NRXN3: variants seen among roughly 807,000 people sequenced by gnomAD.
NRXN3 encodes neurexin III.
In NRXN3, 32 loss-of-function variants were observed where a neutral mutation model predicts 137.6. That is an observed-to-expected ratio of 0.23 (90% CI 0.18 to 0.31). The LOEUF is 0.31. NRXN3 is among the 10% of genes least tolerant of loss of function. NRXN3 has a pLI of 1.00. For synonymous variants in NRXN3, 798 were observed against 784.5 expected (o/e 1.02, Z -0.29); for missense variants, 1,574 against 2,062.5 (o/e 0.76, Z 4.59).
intron 15 of NRXN3, among the ~76,000 whole-genome samples, chr14:79,308,179 G>T (rs969996562): frequency 1.3e-5 from 2 of 149,788 alleles, no homozygotes; most frequent in Admixed American, 6.6e-5. Context: ...AGGACTTAGG[G>T]GGTTAGGACT....
intron 15 of NRXN3, among the ~76,000 whole-genome samples, chr14:79,167,839 T>C (rs924090796): frequency 6.6e-6 from 1 of 151,978 alleles, no homozygotes; most frequent in Admixed American, 6.6e-5. Flanking sequence ...TCAGCCAGCA[T>C]TATCTGCAGA....
intron 15 of NRXN3, among the ~76,000 whole-genome samples, chr14:79,293,799 A>G (rs575417635): frequency 6.6e-6 from 1 of 152,388 alleles, no homozygotes; most frequent in Non-Finnish European, 1.5e-5. Flanking sequence ...TCTCTGCCCC[A>G]GCAGCCTAGA....
chr14:79,733,367 G>A (rs1413124655), intron 19 of NRXN3, among the ~76,000 whole-genome samples: 1 of 152,178 alleles, frequency 6.6e-6, no homozygotes. Flanking sequence ...TTAAGGAGGA[G>A]TAATTTAGTT....
chr14:79,124,168 A>G (rs1488621554), intron 15 of NRXN3, among the ~76,000 whole-genome samples: 2 of 152,184 alleles, frequency 1.3e-5, no homozygotes, highest in Non-Finnish European at 2.9e-5. Flanking sequence ...CCCAGTAGTC[A>G]TCCTTGCTGC....
At chr14:78,834,686 G>A (rs945708249) in intron 10 of NRXN3, among the ~76,000 whole-genome samples, 1 of 152,060 alleles carries the variant, frequency 6.6e-6, no homozygotes, top group African/African-American at 2.4e-5. Context: ...ATATGTTTGG[G>A]TCTCCTGAAC....
In NRXN3 at chr14:79,751,061, T is replaced by C. The variant is rs547030115; in HGVS notation, c.4014+53124T>C. 5.3e-5 allele frequency among the ~76,000 whole-genome samples: 8 copies of C among 152,258 alleles called. No homozygotes were observed. In the East Asian group the frequency reaches 1.5e-3, roughly 29 times the overall value. The stretch of plus-strand genomic sequence containing the variant: ...ATTGACTTGGCGATGCAGGCTCTTT[T>C]TTGGTTCCATATGAACTTTAAAGTA... On this transcript the variant is annotated intron_variant, in intron 19 of 20. Coordinates refer to ENST00000335750, the MANE Select transcript of NRXN3 (RefSeq NM_001330195.2).
intron 15 of NRXN3, among the ~76,000 whole-genome samples, chr14:79,449,602 T>G (rs1273283815): frequency 6.6e-6 from 1 of 152,230 alleles, no homozygotes; most frequent in African/African-American, 2.4e-5. Context: ...TATATATGAT[T>G]TGCTATTTTA....
At chr14:78,215,787 T>G (rs2063211846) in intron 1 of NRXN3, among the ~76,000 whole-genome samples, 1 of 145,290 alleles carries the variant, frequency 6.9e-6, no homozygotes, top group African/African-American at 2.5e-5. Context: ...GGGCAGGGGT[T>G]AGTTTGTGCA....
intron 10 of NRXN3, among the ~76,000 whole-genome samples, chr14:78,939,031 G>T (rs1319280500): frequency 6.6e-6 from 1 of 151,734 alleles, no homozygotes; most frequent in East Asian, 1.9e-4. Flanking sequence ...ATTTTTAGTA[G>T]AGACGGGGTT....
intron 15 of NRXN3, among the ~76,000 whole-genome samples, chr14:79,205,075 T>C (rs183656670): frequency 6.6e-4 from 100 of 152,226 alleles, no homozygotes; most frequent in African/African-American, 2.3e-3. Context: ...GCTGGAAAAT[T>C]TTTCTTCCTT....
At chr14:79,411,746 T>G (rs990939772) in intron 15 of NRXN3, among the ~76,000 whole-genome samples, 2 of 152,206 alleles carry the variant, frequency 1.3e-5, no homozygotes, top group Non-Finnish European at 1.5e-5. Flanking sequence ...TTTATTGACA[T>G]ATTTATTCAA....
chr14:78,548,556 T>G (rs1330765724), intron 4 of NRXN3, among the ~76,000 whole-genome samples: 1 of 152,204 alleles, frequency 6.6e-6, no homozygotes, highest in African/African-American at 2.4e-5. Flanking sequence ...TGCCTAGCTT[T>G]TAAGAGGATA....
intron 16 of NRXN3, among the ~76,000 whole-genome samples, chr14:79,483,372 T>C (rs993814929): frequency 1.3e-4 from 20 of 152,352 alleles, no homozygotes; most frequent in African/African-American, 4.8e-4. Flanking sequence ...AGGAATATTC[T>C]GCCTGTGTTT....
intron 16 of NRXN3, among the ~76,000 whole-genome samples, chr14:79,557,388 C>T (rs2097441197): frequency 6.6e-6 from 1 of 152,228 alleles, no homozygotes; most frequent in Admixed American, 6.5e-5. Context: ...AACCCATCAA[C>T]ATCCATGTAA....
chr14:79,804,698 T>G (rs1320666156), intron 19 of NRXN3, among the ~76,000 whole-genome samples: 1 of 152,194 alleles, frequency 6.6e-6, no homozygotes, highest in Non-Finnish European at 1.5e-5. Flanking sequence ...CCATAAGGAT[T>G]GAAACTCTCT....
At chr14:78,878,636 T>C (rs2099119666) in intron 10 of NRXN3, among the ~76,000 whole-genome samples, 2 of 152,194 alleles carry the variant, frequency 1.3e-5, no homozygotes, top group Non-Finnish European at 1.5e-5. Context: ...TTTTGAAATA[T>C]GTATACACTA....
chr14:79,449,392 GTT>G (rs1206263497), intron 15 of NRXN3, among the ~76,000 whole-genome samples: 1 of 151,978 alleles, frequency 6.6e-6, no homozygotes, highest in South Asian at 2.1e-4. Flanking sequence ...TAGCACTTCA[GTT>G]TGCTTATTTT....
intron 19 of NRXN3, among the ~76,000 whole-genome samples, chr14:79,727,171 C>T (rs879356907): frequency 1.6e-4 from 25 of 152,170 alleles, no homozygotes; most frequent in Non-Finnish European, 2.6e-4. Flanking sequence ...AATATATTTC[C>T]GATAAGCTTT....
chr14:78,746,576 C>T (rs1203111458), intron 8 of NRXN3, among the ~76,000 whole-genome samples: 8 of 152,166 alleles, frequency 5.3e-5, no homozygotes, highest in Non-Finnish European at 1.0e-4. Flanking sequence ...AGGAAATTCA[C>T]AACATCCTAA....
Sources: gnomAD v4.1 joint callset for allele counts (sites outside exome capture counted in the v4.1 genomes callset) on GRCh38, gnomAD v4.1.1 for gene constraint, MANE v1.5 for transcripts, NCBI Gene and HGNC (gene_info 2026-07-23, HGNC 2026-07-21) for gene names.